MEGF11: variants seen among roughly 807,000 people sequenced by gnomAD.
The protein encoded by MEGF11 is multiple EGF like domains 11.
In MEGF11, 126 loss-of-function variants were observed where a neutral mutation model predicts 146.6. The ratio of observed to expected loss-of-function variants is 0.86; its 90% confidence interval spans 0.74 to 1.00. MEGF11 has a LOEUF of 1.00. Ranked by LOEUF, MEGF11 falls within the 50% of genes least tolerant of loss-of-function variation. MEGF11 has a pLI of 0.00. For synonymous variants in MEGF11, 532 were observed against 583.4 expected, an observed-to-expected ratio of 0.91 and a Z score of 1.27; for missense variants, 1,509 against 1,521.2, an observed-to-expected ratio of 0.99 and a Z score of 0.13.
At position 66,170,219 on chromosome 15, in the gene MEGF11, T is replaced by G. The variant is rs566546009; in HGVS notation, c.-8-41808A>C. On this transcript the variant is annotated intron_variant, in intron 1 of 25. Transcript: ENST00000395614. ...AGATGGGGCAGATGGAGAGCACCTGTGGAGGCCAGGGTGGTGAGCTGTGCC... is the reference window on the plus strand; with the variant it reads ...AGATGGGGCAGATGGAGAGCACCTGGGGAGGCCAGGGTGGTGAGCTGTGCC... Among the ~76,000 whole-genome samples, 470 of 152,310 alleles carry G rather than the reference T, an allele frequency of 3.1e-3. 2 individuals are homozygous for G. Among genetic ancestry groups the G allele is most frequent in the African/African-American group, 0.011 (446 of 41,562 alleles).
intron 23 of MEGF11, 134 bp from the exon 24 acceptor site, chr15:65,906,275 G>C: frequency 1.6e-6 from 1 of 630,142 alleles, no homozygotes; most frequent in Non-Finnish European, 2.8e-6. Context: ...TTTATTGCTA[G>C]AAAATGATTC....
rs74023633 is a variant in MEGF11 at position 65,975,425 on chromosome 15, A to G, written c.763-4736T>C. 9.3e-3 allele frequency among the ~76,000 whole-genome samples: 1,414 copies of G among 152,288 alleles called. 20 individuals carry two copies. The highest frequency in any genetic ancestry group is 0.031 in the African/African-American group (1,268 of 41,550). On this transcript the variant is annotated intron_variant, in intron 7 of 25. Coordinates refer to ENST00000395614, the MANE Select transcript of MEGF11 (RefSeq NM_001385028.1). ...AAATCAAGCATCCTTGAGACTTTTT[A>G]GTGAAGTGGGTGAGCACCTCTTTCA... is the stretch of plus-strand genomic sequence containing the variant.
At chr15:65,972,703 C>T (rs2081332544) in intron 7 of MEGF11, among the ~76,000 whole-genome samples, 1 of 152,182 alleles carries the variant, frequency 6.6e-6, no homozygotes, top group Admixed American at 6.5e-5. Flanking sequence ...ATTCTACACC[C>T]AACTAAACTA....
chr15:65,989,369 C>A (rs1167567235), intron 5 of MEGF11, among the ~76,000 whole-genome samples: 1 of 152,184 alleles, frequency 6.6e-6, no homozygotes, highest in Non-Finnish European at 1.5e-5. Flanking sequence ...AAGGCCCCCA[C>A]CTCCCTTCTC....
intron 1 of MEGF11, among the ~76,000 whole-genome samples, chr15:66,165,050 T>C (rs1380530801): frequency 6.6e-6 from 1 of 152,186 alleles, no homozygotes; most frequent in African/African-American, 2.4e-5. Flanking sequence ...GGCTCATCTC[T>C]CAAACTAGGG....
chr15:66,113,360 C>A (rs919448083), intron 4 of MEGF11, among the ~76,000 whole-genome samples: 69 of 152,220 alleles, frequency 4.5e-4, no homozygotes, highest in African/African-American at 1.6e-3. Context: ...AGAGGGTGGC[C>A]TCTGGCATTC....
At chr15:65,941,881 C>T (rs1268282241) in intron 10 of MEGF11, among the ~76,000 whole-genome samples, 1 of 152,188 alleles carries the variant, frequency 6.6e-6, no homozygotes. Flanking sequence ...CAGGGCTGGC[C>T]CTGTGGCTTA....
chr15:66,025,640 T>C (rs1297072832), intron 5 of MEGF11, among the ~76,000 whole-genome samples: 2 of 151,584 alleles, frequency 1.3e-5, no homozygotes, highest in African/African-American at 2.4e-5. Flanking sequence ...CCAGATCCAC[T>C]CCTGTTAATG....
At chr15:66,010,085 G>A (rs948427642) in intron 5 of MEGF11, among the ~76,000 whole-genome samples, 35 of 149,678 alleles carry the variant, frequency 2.3e-4, no homozygotes, top group African/African-American at 7.2e-4. Flanking sequence ...GGTGTCCAGT[G>A]TTTTGGCTTC....
chr15:66,066,264 A>G (rs1214926623), intron 5 of MEGF11, among the ~76,000 whole-genome samples: 2 of 152,076 alleles, frequency 1.3e-5, no homozygotes, highest in Non-Finnish European at 2.9e-5. Context: ...CCAGGGGCTC[A>G]GGGTCAGGGG....
At chr15:66,202,079 G>T (rs2091175763) in intron 1 of MEGF11, among the ~76,000 whole-genome samples, 3 of 151,794 alleles carry the variant, frequency 2.0e-5, no homozygotes, top group South Asian at 2.1e-4. Context: ...ATGGGGGGCT[G>T]AAGCCATGGT....
chr15:66,212,989 A>C (rs1223054469), intron 1 of MEGF11, among the ~76,000 whole-genome samples: 1 of 152,204 alleles, frequency 6.6e-6, no homozygotes. Context: ...AGTCCTGTAG[A>C]TCTGCGAGGG....
At chr15:65,963,995 C>A (rs979913126) in intron 9 of MEGF11, among the ~76,000 whole-genome samples, 2 of 152,234 alleles carry the variant, frequency 1.3e-5, no homozygotes, top group South Asian at 4.1e-4. Context: ...CACCCATGCC[C>A]AGGGTGGCCG....
chr15:66,183,817 G>A (rs1026882337), intron 1 of MEGF11, among the ~76,000 whole-genome samples: 4 of 152,178 alleles, frequency 2.6e-5, no homozygotes, highest in African/African-American at 9.7e-5. Context: ...CCCAGCTGAT[G>A]CAGATGCCGC....
rs548593351 is a variant in MEGF11, at chr15:66,011,910, T to C, written c.395-29422A>G. ...AACACAATAGCACATAAATTATGTA[T>C]GTATTATGGTAAGATGATGTATGCA... On this transcript the variant is annotated intron_variant, in intron 5 of 25. Coordinates refer to ENST00000395614, the MANE Select transcript of MEGF11 (RefSeq NM_001385028.1). Among the ~76,000 whole-genome samples, 21 of 152,214 alleles carry C rather than the reference T, an allele frequency of 1.4e-4. No individual in the cohort carries two copies. In the East Asian group the frequency reaches 4.1e-3, roughly 29 times the overall value.
At chr15:66,001,011 TG>T (rs571315260) in intron 5 of MEGF11, among the ~76,000 whole-genome samples, 4 of 152,056 alleles carry the variant, frequency 2.6e-5, no homozygotes, top group Non-Finnish European at 5.9e-5. Context: ...ACAGGTGTGT[TG>T]GGAAACACTT....
intron 4 of MEGF11, among the ~76,000 whole-genome samples, chr15:66,118,856 C>T (rs2087864688): frequency 1.3e-5 from 2 of 152,216 alleles, no homozygotes; most frequent in Non-Finnish European, 2.9e-5. Flanking sequence ...TCACGCACTT[C>T]CATCCACCCT....
At chr15:66,034,410 TTG>T (rs2083647800) in intron 5 of MEGF11, among the ~76,000 whole-genome samples, 1 of 151,292 alleles carries the variant, frequency 6.6e-6, no homozygotes, top group African/African-American at 2.4e-5. Flanking sequence ...TTTTTTTTTT[TTG>T]TTTTTGTTTT....
At chr15:66,244,597 C>T (rs2092267746) in intron 1 of MEGF11, among the ~76,000 whole-genome samples, 1 of 152,140 alleles carries the variant, frequency 6.6e-6, no homozygotes, top group Non-Finnish European at 1.5e-5. Flanking sequence ...GCACAGGAAG[C>T]CACCCGACTC....
Sources: allele counts gnomAD v4.1 joint callset (sites outside exome capture counted in the v4.1 genomes callset), GRCh38; gene constraint gnomAD v4.1.1; transcripts MANE v1.5; gene names NCBI Gene and HGNC (gene_info 2026-07-23, HGNC 2026-07-21).